LSAMP: variants seen among roughly 807,000 people sequenced by gnomAD.
LSAMP encodes the protein limbic system associated membrane protein, also known as limbic system-associated membrane protein.
LSAMP carries 7 observed loss-of-function variants against 38.6 expected under a neutral mutation model. The observed-to-expected ratio is 0.18, with a 90% CI of 0.10 to 0.34. The LOEUF is 0.34. Among genes scored for constraint, LSAMP ranks in the 10% least tolerant of loss-of-function variants. The probability of loss-of-function intolerance (pLI) is 1.00; values close to 1 mark genes in which losing one functional copy is unlikely to be tolerated. For synonymous variants in LSAMP, 154 were observed against 166.8 expected (o/e 0.92, Z 0.59); for missense variants, 313 against 420.0 (o/e 0.75, Z 2.23).
At chr3:116,436,775 T>A (rs1022569156) in intron 1 of LSAMP, among the ~76,000 whole-genome samples, 6 of 152,044 alleles carry the variant, frequency 3.9e-5, no homozygotes, top group African/African-American at 1.4e-4. Flanking sequence ...GTGTGGAGAT[T>A]CCTTAAAGAA....
At position 115,888,982 on chromosome 3, in the gene LSAMP, G is replaced by A. The variant is rs183520565; in HGVS notation, c.515-36365C>T. Among the ~76,000 whole-genome samples, 699 of 152,004 alleles carry A rather than the reference G, an allele frequency of 4.6e-3. 11 individuals carry two copies. Among genetic ancestry groups the A allele is most frequent in the South Asian group, 9.1e-3 (44 of 4,820 alleles). ...AGGGGTAGGCTCTTTCTTCAACCAC[G>A]CAGAGAGAATGGACAGGAAGGGAAA... On this transcript the variant is annotated intron_variant, in intron 3 of 6. Coordinates refer to ENST00000490035, the MANE Select transcript of LSAMP (RefSeq NM_002338.5).
intron 1 of LSAMP, among the ~76,000 whole-genome samples, chr3:116,244,491 A>C (rs151130616): frequency 1.5e-3 from 222 of 152,292 alleles, no homozygotes; most frequent in African/African-American, 5.1e-3. Context: ...TAAGATTGGA[A>C]CCCGTTCCTG....
At chr3:116,054,686 T>C (rs1941457237) in intron 2 of LSAMP, among the ~76,000 whole-genome samples, 2 of 152,164 alleles carry the variant, frequency 1.3e-5, no homozygotes, top group South Asian at 2.1e-4. Flanking sequence ...ATGCACTAAA[T>C]ATAAAAAGTA....
At chr3:115,831,476 A>G (rs1302107365) in intron 6 of LSAMP, among the ~76,000 whole-genome samples, 2 of 152,122 alleles carry the variant, frequency 1.3e-5, no homozygotes, top group Admixed American at 6.6e-5. Flanking sequence ...TCAACACTTC[A>G]TTCTGAACCT....
chr3:116,290,890 T>G (rs1422143154), intron 1 of LSAMP, among the ~76,000 whole-genome samples: 1 of 151,982 alleles, frequency 6.6e-6, no homozygotes, highest in Non-Finnish European at 1.5e-5. Flanking sequence ...AAGCCAATGT[T>G]CTCTTAAAAA....
intron 1 of LSAMP, among the ~76,000 whole-genome samples, chr3:116,107,531 T>C (rs1708495915): frequency 7.0e-6 from 1 of 143,538 alleles, no homozygotes; most frequent in South Asian, 2.2e-4. Flanking sequence ...AGGAAAGGAG[T>C]TGTTGTTTTG....
chr3:116,083,098 G>GA (rs1302059730), intron 2 of LSAMP, among the ~76,000 whole-genome samples: 4 of 152,068 alleles, frequency 2.6e-5, no homozygotes, highest in Non-Finnish European at 4.4e-5. Context: ...AAGGACAGCT[G>GA]AAAAAAATGG....
At chr3:116,106,887 G>C (rs1708480350) in intron 1 of LSAMP, among the ~76,000 whole-genome samples, 1 of 152,056 alleles carries the variant, frequency 6.6e-6, no homozygotes, top group South Asian at 2.1e-4. Flanking sequence ...AAGGGAGGGG[G>C]CCTGAATAAT....
At chr3:116,380,691 G>T (rs2048547631) in intron 1 of LSAMP, among the ~76,000 whole-genome samples, 1 of 151,900 alleles carries the variant, frequency 6.6e-6, no homozygotes, top group South Asian at 2.1e-4. Flanking sequence ...ATGCATTCTG[G>T]ACATTCTTCC....
intron 1 of LSAMP, among the ~76,000 whole-genome samples, chr3:116,374,581 C>T (rs910194503): frequency 3.3e-5 from 5 of 151,762 alleles, no homozygotes; most frequent in Admixed American, 6.6e-5. Flanking sequence ...TGCACTTTAC[C>T]TACTGGATTT....
At chr3:116,410,238 AT>A (rs1367256035) in intron 1 of LSAMP, among the ~76,000 whole-genome samples, 3 of 152,030 alleles carry the variant, frequency 2.0e-5, no homozygotes, top group South Asian at 2.1e-4. Context: ...GGGGGACAGA[AT>A]TTTTTTTATA....
chr3:116,184,202 G>T (rs143724693), intron 1 of LSAMP, among the ~76,000 whole-genome samples: 1 of 151,742 alleles, frequency 6.6e-6, no homozygotes, highest in African/African-American at 2.4e-5. Context: ...ATAGCTAAAT[G>T]TATCAAACTT....
At chr3:116,257,592 C>T (rs897319513) in intron 1 of LSAMP, among the ~76,000 whole-genome samples, 2 of 151,782 alleles carry the variant, frequency 1.3e-5, no homozygotes, top group Admixed American at 6.6e-5. Context: ...TGAATATTTG[C>T]TGCTAATGAT....
intron 2 of LSAMP, among the ~76,000 whole-genome samples, chr3:116,070,433 A>C (rs1196573163): frequency 6.6e-6 from 1 of 152,226 alleles, no homozygotes; most frequent in Non-Finnish European, 1.5e-5. Context: ...GATCAAAACA[A>C]GATAAGATCG....
intron 1 of LSAMP, among the ~76,000 whole-genome samples, chr3:116,173,414 A>G (rs1710252906): frequency 6.6e-6 from 1 of 152,062 alleles, no homozygotes; most frequent in South Asian, 2.1e-4. Flanking sequence ...TGGGGATAAC[A>G]AAGATCCATT....
chr3:116,321,295 C>T (rs1263751527), intron 1 of LSAMP, among the ~76,000 whole-genome samples: 3 of 152,160 alleles, frequency 2.0e-5, no homozygotes, highest in African/African-American at 7.2e-5. Context: ...ATTGCTTTAG[C>T]CCAGGAAGTT....
intron 1 of LSAMP, among the ~76,000 whole-genome samples, chr3:116,209,125 C>G (rs552432495): frequency 1.1e-3 from 172 of 152,286 alleles, no homozygotes; most frequent in African/African-American, 3.8e-3. Context: ...TAAGCCGGTC[C>G]GAAAAGCGCA....
intron 1 of LSAMP, among the ~76,000 whole-genome samples, chr3:116,428,999 T>C (rs1355618230): frequency 2.0e-5 from 3 of 152,240 alleles, no homozygotes; most frequent in Non-Finnish European, 4.4e-5. Context: ...CTTTTCACTC[T>C]TTTTGTAAGT....
At position 116,313,370 on chromosome 3, in the gene LSAMP, G is replaced by A. The variant is rs192367138; in HGVS notation, c.155+131507C>T. On this transcript the variant is annotated intron_variant, in intron 1 of 6. Coordinates refer to ENST00000490035, the MANE Select transcript of LSAMP (RefSeq NM_002338.5). ...TTAGCAATACAGAGTGACTGGAGGCGGATGCACCCAGCAAGGCCACATGGG... is the reference window on the plus strand; with the variant it reads ...TTAGCAATACAGAGTGACTGGAGGCAGATGCACCCAGCAAGGCCACATGGG... Among the ~76,000 whole-genome samples the A allele has an allele frequency of 1.2e-4, 18 of 152,280 alleles. No individual in the cohort carries two copies. The East Asian group carries it at 2.9e-3, about 25-fold the overall frequency.
Sources: allele counts gnomAD v4.1 joint callset (sites outside exome capture counted in the v4.1 genomes callset), GRCh38; gene constraint gnomAD v4.1.1; transcripts MANE v1.5; gene names NCBI Gene and HGNC (gene_info 2026-07-23, HGNC 2026-07-21).